Variants in SMIM23 observed in about 807,000 individuals in gnomAD.
SMIM23 encodes CTB-78H18.1.
A neutral mutation model predicts 12.8 loss-of-function variants in SMIM23; 10 were observed. The ratio of observed to expected loss-of-function variants is 0.78; its 90% CI spans 0.48 to 1.32. The LOEUF (loss-of-function observed/expected upper bound fraction) is 1.32. SMIM23 is among the 40% of genes most tolerant of loss of function. SMIM23 has a pLI of 0.00. For missense variants in SMIM23, 184 were observed against 198.2 expected (o/e 0.93, Z 0.43); for synonymous variants, 78 against 80.1 (o/e 0.97, Z 0.14).
chr5:171,790,045 T>C (rs1380961367), intron 1 of SMIM23, among the ~76,000 whole-genome samples, 185 bp from the exon 2 acceptor site: 3 of 152,258 alleles, frequency 2.0e-5, no homozygotes, highest in Non-Finnish European at 4.4e-5. Flanking sequence ...TGCAGTGTTA[T>C]CTATTTCTTC....
chr5:171,784,910 TG>T (rs1171130578), upstream of SMIM23, among the ~76,000 whole-genome samples: 1 of 152,166 alleles, frequency 6.6e-6, no homozygotes, highest in Admixed American at 6.5e-5. Flanking sequence ...AATTATACTA[TG>T]TTTTTTTTTA....
upstream of SMIM23, among the ~76,000 whole-genome samples, chr5:171,784,109 TA>T (rs992611504): frequency 4.0e-5 from 6 of 151,446 alleles, no homozygotes; most frequent in Admixed American, 6.6e-5. Flanking sequence ...TAATAAAATT[TA>T]AAAAAAAGAA....
chr5:171,774,278 A>G, the SMIM23 span: 1 of 390,230 alleles, frequency 2.6e-6, no homozygotes, highest in South Asian at 1.9e-5. Flanking sequence ...CAGAGATCCC[A>G]TGCTTGCTCC....
In SMIM23 at chr5:171,788,508, A is replaced by T. The variant is rs554755092; in HGVS notation, c.106-1722A>T. ...CCTCTTTTCTTTATATATATTTTTT[A>T]AAAAGAATAAAAGAGGATTATTATC... On this transcript the variant is annotated intron_variant, in intron 1 of 3. Transcript: ENST00000523047. Among the ~76,000 whole-genome samples, 11 of 152,298 alleles carry T rather than the reference A, an allele frequency of 7.2e-5. No homozygotes were observed. In the South Asian group the frequency reaches 2.1e-3, roughly 29 times the overall value.
chr5:171,789,818 T>A (rs2113653753), intron 1 of SMIM23, among the ~76,000 whole-genome samples: 1 of 152,308 alleles, frequency 6.6e-6, no homozygotes, highest in South Asian at 2.1e-4. Flanking sequence ...AAAAGGAAAC[T>A]TTCTAAGATG....
Position 171,788,401 on chromosome 5 carries a change from G to A in SMIM23, c.106-1829G>A, listed in dbSNP as rs144629399. ...TTAAGAATTGGAAAACTTCTAAATA[G>A]ACTCAACAAAAAACATACATAGAAA... On this transcript the variant is annotated intron_variant, in intron 1 of 3. Coordinates refer to ENST00000523047, the MANE Select transcript of SMIM23 (RefSeq NM_001289970.2). Among the ~76,000 whole-genome samples the A allele has an allele frequency of 6.6e-5, 10 of 152,024 alleles. No individual in the cohort carries two copies. In the East Asian group the frequency reaches 1.7e-3, roughly 26 times the overall value.
chr5:171,783,447 A>G (rs1755760475), upstream of SMIM23, among the ~76,000 whole-genome samples: 2 of 152,388 alleles, frequency 1.3e-5, no homozygotes, highest in South Asian at 4.1e-4. Flanking sequence ...ATGCAGGGAC[A>G]GATACATAGA....
chr5:171,789,024 G>A (rs1755870246), intron 1 of SMIM23, among the ~76,000 whole-genome samples: 1 of 152,226 alleles, frequency 6.6e-6, no homozygotes, highest in African/African-American at 2.4e-5. Flanking sequence ...ATTTTTAGTA[G>A]AGACGGGGTT....
chr5:171,786,615 G>A (rs1413929951), intron 1 of SMIM23, among the ~76,000 whole-genome samples: 5 of 152,160 alleles, frequency 3.3e-5, no homozygotes, highest in Admixed American at 2.6e-4. Flanking sequence ...AGCTGTTGAC[G>A]GGTTTTAAGC....
chr5:171,783,098 A>C (rs2113645867), upstream of SMIM23, among the ~76,000 whole-genome samples: 1 of 152,380 alleles, frequency 6.6e-6, no homozygotes, highest in Non-Finnish European at 1.5e-5. Context: ...TATACCTAAC[A>C]AAACATGTAC....
At chr5:171,776,171 T>C in the SMIM23 span, among the ~76,000 whole-genome samples, 5 of 150,564 alleles carry the variant, frequency 3.3e-5, no homozygotes, top group Non-Finnish European at 7.4e-5. Flanking sequence ...GTGCCTGGCC[T>C]AAGGCAGGTA....
At chr5:171,784,796 G>A (rs913919033), upstream of SMIM23, among the ~76,000 whole-genome samples, 2 of 152,136 alleles carry the variant, frequency 1.3e-5, no homozygotes, top group Non-Finnish European at 2.9e-5. Context: ...GAACAGGTTT[G>A]GAACGTGTCC....
chr5:171,772,669 A>G, the SMIM23 span, among the ~76,000 whole-genome samples: 3 of 152,206 alleles, frequency 2.0e-5, no homozygotes. Flanking sequence ...ACTCCTGAGA[A>G]CGCCACAAAA....
At position 171,785,917 on chromosome 5, in the gene SMIM23, C is replaced by A; in HGVS notation, c.46C>A (p.Gln16Lys). The change falls in exon 1 of 4, where the codon CAG (glutamine) becomes AAG (lysine). Residue 16 changes from glutamine (Q) to lysine (K), a missense_variant. By Grantham distance (53) the Gln-to-Lys change is moderately conservative. Coordinates refer to ENST00000523047, the MANE Select transcript of SMIM23 (RefSeq NM_001289970.2). ...CAGCAGAAGGCAGGTGGCAGCAGAG[C>A]AGGTGGCAGCCCAGCTGCTTGAACG... is the stretch of plus-strand genomic sequence containing the variant. ...VDSRRQVAAEQVAAQLLERRR... is the reference protein window; with the variant it reads ...VDSRRQVAAEKVAAQLLERRR... 3.3e-6 allele frequency: 5 copies of A among 1,536,242 alleles called. No individual in the cohort carries two copies. The highest frequency in any genetic ancestry group is 4.4e-6 in the Non-Finnish European group (5 of 1,146,930).
chr5:171,772,766 C>T, the SMIM23 span, among the ~76,000 whole-genome samples: 1 of 152,176 alleles, frequency 6.6e-6, no homozygotes, highest in Non-Finnish European at 1.5e-5. Flanking sequence ...CTTTCCCACC[C>T]TCCACCCTAA....
Position 171,790,465 on chromosome 5 carries a change from G to A in SMIM23, c.158-17G>A. 1 of 1,536,558 alleles carries A rather than the reference G, an allele frequency of 6.5e-7. No homozygotes were observed. On this transcript the variant is annotated splice_polypyrimidine_tract_variant and intron_variant, in intron 2 of 3. Transcript: ENST00000523047. The stretch of plus-strand genomic sequence containing the variant: ...TGCTCATTTGCTCTTCAGAGGTGAT[G>A]TTTGTGCCTGTTTCAGGAAGCAGTT...
At chr5:171,780,284 C>T (rs144010873), upstream of SMIM23, among the ~76,000 whole-genome samples, 481 of 152,218 alleles carry the variant, frequency 3.2e-3, no homozygotes, top group Middle Eastern at 6.8e-3. Flanking sequence ...CTTCAAAGGC[C>T]TCTCTCTCCT....
the SMIM23 span, chr5:171,773,620 G>T: frequency 5.6e-6 from 2 of 355,980 alleles, no homozygotes; most frequent in African/African-American, 4.3e-5. Context: ...GCATTGTGAT[G>T]AGACAACCAA....
intron 3 of SMIM23, 41 bp downstream of exon 3, chr5:171,790,590 A>G: frequency 4.6e-6 from 7 of 1,523,252 alleles, no homozygotes; most frequent in Non-Finnish European, 6.2e-6. Context: ...GCAATCTGGG[A>G]AGGCTTTCCA....
Sources: allele counts gnomAD v4.1 joint callset (sites outside exome capture counted in the v4.1 genomes callset), GRCh38; gene constraint gnomAD v4.1.1; transcripts MANE v1.5; gene names NCBI Gene and HGNC (gene_info 2026-07-23, HGNC 2026-07-21).